Variants in MYO9B observed in about 807,000 individuals in gnomAD.
The protein encoded by MYO9B is myosin IXB.
A neutral mutation model predicts 229.5 loss-of-function variants in MYO9B; 71 were observed. The ratio of observed to expected loss-of-function variants is 0.31; its 90% CI spans 0.26 to 0.38. MYO9B has a LOEUF of 0.38. Ranked by LOEUF, MYO9B falls within the 10% of genes least tolerant of loss-of-function variation. The pLI is 1.00. For synonymous variants in MYO9B, 1,185 were observed against 1,235.8 expected (o/e 0.96, Z 0.86); for missense variants, 2,255 against 2,920.5 (o/e 0.77, Z 5.25).
chr19:17,188,806 A>C (rs2072948266), intron 19 of MYO9B, among the ~76,000 whole-genome samples: 1 of 152,088 alleles, frequency 6.6e-6, no homozygotes, highest in Admixed American at 6.6e-5. Context: ...TGAGCCTAGG[A>C]GTTTGAGACC....
At chr19:17,202,334 T>C (rs909998106) in intron 28 of MYO9B, 31 bp downstream of exon 28, 3 of 1,540,864 alleles carry the variant, frequency 1.9e-6, no homozygotes, top group African/African-American at 1.4e-5. Flanking sequence ...CGCCCACCTG[T>C]GACATGCCAC....
intron 7 of MYO9B, among the ~76,000 whole-genome samples, chr19:17,158,621 G>A (rs2072562986): frequency 6.6e-6 from 1 of 151,500 alleles, no homozygotes; most frequent in Non-Finnish European, 1.5e-5. Context: ...GAAAGCTGCC[G>A]CTTATTCCCC....
At chr19:17,116,013 CTCTG>C (rs1373653639) in intron 2 of MYO9B, among the ~76,000 whole-genome samples, 2 of 91,850 alleles carry the variant, frequency 2.2e-5, no homozygotes, top group Non-Finnish European at 2.1e-5. Context: ...AGCTAACTCA[CTCTG>C]TCTCTCTGCC....
chr19:17,098,546 C>A (rs1215144983), intron 1 of MYO9B, among the ~76,000 whole-genome samples: 2 of 152,188 alleles, frequency 1.3e-5, no homozygotes, highest in African/African-American at 4.8e-5. Context: ...TTGACTCATG[C>A]CGCATTTATG....
rs1260999019 is a variant in MYO9B, at chr19:17,211,896, G to A, written c.6060G>A (p.Gly2020=). Reference sequence around the variant, plus strand: ...ACCCTGCCATCTGTCTCTCAAAAGGGCCCCCTGCGCCTGCTCTCCCTTGCC... The same window carrying A: ...ACCCTGCCATCTGTCTCTCAAAAGGACCCCCTGCGCCTGCTCTCCCTTGCC... ...EERAGRGASE[G]PPAPALPCPG... Residue 2020 remains glycine, a splice_region_variant and synonymous_variant, in exon 40 of 40, where the codon GGG becomes GGA. Coordinates refer to ENST00000682292, the MANE Select transcript of MYO9B (RefSeq NM_004145.4). The A allele has an allele frequency of 2.5e-6, 4 of 1,578,284 alleles. No individual in the cohort carries two copies. The highest frequency in any genetic ancestry group is 1.7e-4 in the Middle Eastern group (1 of 5,746).
intron 19 of MYO9B, among the ~76,000 whole-genome samples, 180 bp from the exon 20 acceptor site, chr19:17,190,917 G>A (rs779586237): frequency 6.6e-6 from 1 of 152,096 alleles, no homozygotes; most frequent in Non-Finnish European, 1.5e-5. Context: ...AGTGCTGGGA[G>A]TACAGGTGTG....
rs761445182 is a variant in MYO9B, at chr19:17,180,922, C to G, written c.2220-5C>G. On this transcript the variant is annotated splice_region_variant and splice_polypyrimidine_tract_variant and intron_variant, in intron 14 of 39. Transcript: ENST00000682292. ...TCACTGCGCCCCCTCCACCCCTCCC[C>G]TCAGCGATTTGCATAACCAAATGAT... 1 of 1,602,818 alleles carries G rather than the reference C, an allele frequency of 6.2e-7. No individual in the cohort carries two copies. Among genetic ancestry groups the G allele is most frequent in the South Asian group, 1.1e-5 (1 of 89,480 alleles).
At chr19:17,157,924 T>G (rs2072555004) in intron 7 of MYO9B, among the ~76,000 whole-genome samples, 1 of 152,110 alleles carries the variant, frequency 6.6e-6, no homozygotes, top group Non-Finnish European at 1.5e-5. Flanking sequence ...AGTCATTTTC[T>G]CATTGGACCT....
rs1254427018 is a variant in MYO9B, at chr19:17,172,027, A to C, written c.1794-309A>C. On this transcript the variant is annotated intron_variant, in intron 11 of 39. Transcript: ENST00000682292. This position sits in a 1 kb window ranked among gnomAD's most constrained non-coding sequence, Gnocchi z 8.2. ...CCTTGTACCAGGCTGCAGCTATGCCAGCTGACGCAGAGAGCAGAGTCCCAG... is the reference window on the plus strand; with the variant it reads ...CCTTGTACCAGGCTGCAGCTATGCCCGCTGACGCAGAGAGCAGAGTCCCAG... 6.6e-6 allele frequency among the ~76,000 whole-genome samples: 1 copy of C among 152,170 alleles called. No individual in the cohort carries two copies. Among genetic ancestry groups the C allele is most frequent in the Non-Finnish European group, 1.5e-5 (1 of 68,016 alleles).
intron 17 of MYO9B, among the ~76,000 whole-genome samples, chr19:17,185,357 G>C (rs2072906560): frequency 6.9e-6 from 1 of 144,910 alleles, no homozygotes; most frequent in African/African-American, 2.6e-5. Flanking sequence ...CTGGGCGACA[G>C]AGCAAGACTC....
chr19:17,198,022 A>G (rs2073065558), intron 23 of MYO9B, 162 bp from the exon 24 acceptor site: 1 of 1,313,646 alleles, frequency 7.6e-7, no homozygotes, highest in Non-Finnish European at 1.0e-6. Context: ...AGACCAGGCC[A>G]CTGCACTCCA....
chr19:17,085,691 G>A (rs1174019494), intron 1 of MYO9B, among the ~76,000 whole-genome samples: 9 of 151,328 alleles, frequency 5.9e-5, no homozygotes, highest in African/African-American at 1.5e-4. Context: ...AAAATTTACC[G>A]AATGTGGACT....
rs1421448652 is a variant in MYO9B at position 17,194,810 on chromosome 19, C to A, written c.3383C>A (p.Pro1128Gln). The change falls in exon 22 of 40, where the codon CCA (proline) becomes CAA (glutamine). Residue 1128 changes from proline to glutamine, a missense_variant. Pro to Gln is a moderately conservative substitution (Grantham distance 76, BLOSUM62 -1). Around this residue, in one of 7 missense-constraint regions of MYO9B, gnomAD observed 679 missense variants for 770.2 expected, o/e 0.88. Coordinates refer to ENST00000682292, the MANE Select transcript of MYO9B (RefSeq NM_004145.4). ...GCCCCAAGCCCAGAGAAGACTCTCC[C>A]ACCCCAGAAAACCGTGGCGGCTGAA... ...KEAPSPEKTL[P>Q]PQKTVAAESH... 5.6e-6 allele frequency: 9 copies of A among 1,613,408 alleles called. No individual in the cohort carries two copies. Among genetic ancestry groups the A allele is most frequent in the Non-Finnish European group, 7.6e-6 (9 of 1,179,886 alleles).
chr19:17,145,934 GGATGGATGGATGGATGGAT>G (rs1427342606), intron 3 of MYO9B, among the ~76,000 whole-genome samples: 3 of 149,650 alleles, frequency 2.0e-5, no homozygotes, highest in Non-Finnish European at 4.5e-5. Flanking sequence ...ACTCATGAGG[GGATGGATGGATGGATGGAT>G]GATGGATGGA....
At chr19:17,138,353 G>A (rs1308196760) in intron 2 of MYO9B, among the ~76,000 whole-genome samples, 3 of 152,174 alleles carry the variant, frequency 2.0e-5, no homozygotes, top group African/African-American at 4.8e-5. Context: ...TAGTGCCGCA[G>A]TAAACATACG....
chr19:17,181,688 G>A (rs188435393), intron 15 of MYO9B, among the ~76,000 whole-genome samples: 1 of 152,310 alleles, frequency 6.6e-6, no homozygotes, highest in African/African-American at 2.4e-5. Flanking sequence ...GGTGTGGGCT[G>A]GCTGAGAGCA....
chr19:17,108,562 CT>C (rs2057815410), intron 2 of MYO9B, among the ~76,000 whole-genome samples: 2 of 151,704 alleles, frequency 1.3e-5, no homozygotes, highest in African/African-American at 4.8e-5. Context: ...AACAAAATAG[CT>C]TCCCGTTGTC....
intron 30 of MYO9B, 27 bp from the exon 31 acceptor site, chr19:17,205,236 G>A (rs773488370): frequency 1.2e-6 from 2 of 1,609,570 alleles, no homozygotes; most frequent in African/African-American, 2.7e-5. Context: ...AGCACCCTCT[G>A]TGACTCCCAC....
Position 17,197,849 on chromosome 19 carries a change from C to T in MYO9B, c.4104C>T (p.Ala1368=), listed in dbSNP as rs2073063018. The T allele has an allele frequency of 3.1e-6, 5 of 1,613,232 alleles. No homozygotes were observed. Among genetic ancestry groups the T allele is most frequent in the Admixed American group, 1.7e-5 (1 of 59,986 alleles). ...SDVSKLLPSL[A]KAQPAAETTD... is the part of the protein sequence containing the mutation. Reference sequence around the variant, plus strand: ...TCTCCAAGCTCCTCCCGTCCCTGGCCAAGGCTCAGGTAACAACAACACGGC... The same window carrying T: ...TCTCCAAGCTCCTCCCGTCCCTGGCTAAGGCTCAGGTAACAACAACACGGC... Residue 1368 remains alanine (A), a synonymous_variant, in exon 23 of 40, where the codon GCC becomes GCT. Transcript: ENST00000682292.
Sources: gnomAD v4.1 joint callset for allele counts (sites outside exome capture counted in the v4.1 genomes callset) on GRCh38, gnomAD v4.1.1 for gene constraint, gnomAD v4.1.1 regional missense constraint, Gnocchi (gnomAD v3.1) non-coding constraint, MANE v1.5 for transcripts, NCBI Gene and HGNC (gene_info 2026-07-23, HGNC 2026-07-21) for gene names.